The following HVCN1 variants were observed in gnomAD, a reference collection of about 807,000 sequenced individuals.
HVCN1 encodes the protein hydrogen voltage gated channel 1.
HVCN1 carries 14 observed loss-of-function variants against 29.2 expected under a neutral mutation model. The observed-to-expected ratio is 0.48, with a 90% CI of 0.32 to 0.75. The LOEUF (loss-of-function observed/expected upper bound fraction) is 0.75, where lower values mean the gene tolerates loss of function less well. Ranked by LOEUF, HVCN1 falls within the 30% of genes least tolerant of loss-of-function variation. HVCN1 has a pLI of 0.04. For missense variants in HVCN1, 263 were observed against 341.8 expected (o/e 0.77, Z 1.82); for synonymous variants, 131 against 133.2 (o/e 0.98, Z 0.11).
chr12:110,651,814 A>G (rs1327467362), intron 5 of HVCN1, among the ~76,000 whole-genome samples: 1 of 152,246 alleles, frequency 6.6e-6, no homozygotes, highest in Non-Finnish European at 1.5e-5. Flanking sequence ...AGAAATGTCC[A>G]TTAGAAGTTA....
At chr12:110,691,305 C>T (rs528704703), upstream of HVCN1, among the ~76,000 whole-genome samples, 598 of 152,080 alleles carry the variant, frequency 3.9e-3, 2 homozygotes, top group Non-Finnish European at 6.5e-3. Flanking sequence ...CCTCGTGCTC[C>T]GTCCTCCTCG....
chr12:110,701,716 G>A (rs2069565527), intron 2 of HVCN1, among the ~76,000 whole-genome samples: 1 of 151,864 alleles, frequency 6.6e-6, no homozygotes, highest in Admixed American at 6.6e-5. Context: ...AAGTAGCTGG[G>A]CATGGTGGTG....
At position 110,661,311 on chromosome 12, in the gene HVCN1, C is replaced by T; in HGVS notation, c.159G>A (p.Glu53=). ...CTGGTGTGGGTGGTGGCTGCTCCTCCTCCTCCTCCTCCTCTTCATTCTCCC... is the reference window on the plus strand; with the variant it reads ...CTGGTGTGGGTGGTGGCTGCTCCTCTTCCTCCTCCTCCTCTTCATTCTCCC... ...KKWENEEEEE[E]EEQPPPTPVS... Residue 53 remains glutamate (E), a synonymous_variant, in exon 4 of 8, where the codon GAG becomes GAA. Coordinates refer to ENST00000242607, the MANE Select transcript of HVCN1 (RefSeq NM_032369.4). This position sits in a 1 kb window ranked among gnomAD's most constrained non-coding sequence, Gnocchi z 6.2. 5.6e-6 allele frequency: 9 copies of T among 1,614,192 alleles called. No individual in the cohort carries two copies. Among genetic ancestry groups the T allele is most frequent in the Non-Finnish European group, 7.6e-6 (9 of 1,180,008 alleles).
At chr12:110,667,872 A>G (rs372270556) in intron 3 of HVCN1, among the ~76,000 whole-genome samples, 45 of 152,344 alleles carry the variant, frequency 3.0e-4, no homozygotes, top group African/African-American at 1.1e-3. Flanking sequence ...GAAACCTTGC[A>G]ACTGGTGAAG....
chr12:110,683,457 G>A (rs1593525670), intron 2 of HVCN1, among the ~76,000 whole-genome samples, 193 bp from the exon 3 acceptor site: 3 of 152,204 alleles, frequency 2.0e-5, no homozygotes, highest in South Asian at 4.1e-4. Flanking sequence ...ACTGAAACAG[G>A]GACTCAAACA....
At chr12:110,650,774 G>A (rs1215956949) in intron 6 of HVCN1, among the ~76,000 whole-genome samples, 1 of 150,062 alleles carries the variant, frequency 6.7e-6, no homozygotes, top group Non-Finnish European at 1.5e-5. Context: ...GCTTATTGCA[G>A]CCTCCAAATC....
chr12:110,688,775 C>A (rs926140218), intron 1 of HVCN1, 67 bp from the exon 2 acceptor site: 3 of 152,512 alleles, frequency 2.0e-5, no homozygotes, highest in East Asian at 1.9e-4. Flanking sequence ...CTGAAGGCAC[C>A]TGGCCCAGGG....
chr12:110,701,178 G>C (rs892239199), intron 2 of HVCN1, among the ~76,000 whole-genome samples: 5 of 152,196 alleles, frequency 3.3e-5, no homozygotes, highest in African/African-American at 7.2e-5. Context: ...TTCCCTCTGC[G>C]CTACGGCCAG....
chr12:110,651,328 C>T lies in HVCN1; in HGVS notation c.532G>A (p.Val178Met), dbSNP rs1478496147. ...ATGTCGAGGATGAATGAGACCACCACCACGACGGCATCCAGGATCTCAAAC... is the reference window on the plus strand; with the variant it reads ...ATGTCGAGGATGAATGAGACCACCATCACGACGGCATCCAGGATCTCAAAC... ...HKFEILDAVVVVVSFILDIVL... is the reference protein window; with the variant it reads ...HKFEILDAVVMVVSFILDIVL... Residue 178 changes from valine to methionine, a missense_variant, in exon 6 of 8, where the codon GTG (valine) becomes ATG (methionine). This residue lies in a region of HVCN1 where 55 missense variants were observed against 109.4 expected (regional missense o/e 0.50). Coordinates refer to ENST00000242607, the MANE Select transcript of HVCN1 (RefSeq NM_032369.4). 2 of 1,614,000 alleles carry T rather than the reference C, an allele frequency of 1.2e-6. No individual in the cohort carries two copies. Among genetic ancestry groups the T allele is most frequent in the Admixed American group, 1.7e-5 (1 of 60,010 alleles).
chr12:110,685,040 C>A (rs2069127944), intron 2 of HVCN1, among the ~76,000 whole-genome samples: 1 of 152,224 alleles, frequency 6.6e-6, no homozygotes, highest in Admixed American at 6.5e-5. Flanking sequence ...CAAAGATGCA[C>A]ATACCCTAAT....
intron 5 of HVCN1, among the ~76,000 whole-genome samples, chr12:110,654,802 A>C (rs2067933631): frequency 6.6e-6 from 1 of 151,962 alleles, no homozygotes; most frequent in Non-Finnish European, 1.5e-5. Flanking sequence ...AACTCTCTTG[A>C]TCTCCGCCCT....
chr12:110,699,213 G>C (rs2069536762), intron 2 of HVCN1, among the ~76,000 whole-genome samples: 1 of 152,174 alleles, frequency 6.6e-6, no homozygotes, highest in Non-Finnish European at 1.5e-5. Flanking sequence ...GGCTTTGCTG[G>C]GTCTTGGCTG....
intron 2 of HVCN1, among the ~76,000 whole-genome samples, chr12:110,687,262 C>CA (rs1414229098): frequency 6.7e-6 from 1 of 149,768 alleles, no homozygotes; most frequent in Non-Finnish European, 1.5e-5. Context: ...ACCACACCCC[C>CA]CCCCCCCAGC....
chr12:110,670,757 C>G (rs1267988782), intron 3 of HVCN1, among the ~76,000 whole-genome samples: 3 of 152,178 alleles, frequency 2.0e-5, no homozygotes, highest in Non-Finnish European at 4.4e-5. Context: ...GCACACCCCC[C>G]TAACAATTCC....
upstream of HVCN1, among the ~76,000 whole-genome samples, chr12:110,694,300 G>A (rs1593551347): frequency 6.6e-6 from 1 of 152,234 alleles, no homozygotes; most frequent in Non-Finnish European, 1.5e-5. The surrounding 1 kb of genome is among the most constrained non-coding windows in gnomAD (Gnocchi z 4.6). Flanking sequence ...AGGCTCAAGG[G>A]ATCCTCCCGC....
At chr12:110,682,677 A>G (rs1213851942) in intron 3 of HVCN1, 3 of 157,522 alleles carry the variant, frequency 1.9e-5, no homozygotes, top group African/African-American at 7.2e-5. Context: ...ACTATTTTCC[A>G]GATAAGGAAA....
upstream of HVCN1, among the ~76,000 whole-genome samples, chr12:110,692,518 A>C (rs1187803006): frequency 1.3e-5 from 2 of 151,954 alleles, no homozygotes; most frequent in Non-Finnish European, 2.9e-5. Context: ...CCAGGAGTTC[A>C]AGATGAGCCT....
chr12:110,665,348 A>G (rs1412648937), intron 3 of HVCN1, among the ~76,000 whole-genome samples: 4 of 152,164 alleles, frequency 2.6e-5, no homozygotes, highest in South Asian at 4.1e-4. Context: ...ACCTAAGGTC[A>G]GGAGTTTGAG....
intron 2 of HVCN1, among the ~76,000 whole-genome samples, chr12:110,701,487 A>G (rs1566073867): frequency 1.3e-5 from 2 of 152,166 alleles, no homozygotes; most frequent in South Asian, 2.1e-4. Context: ...AGGGCACCCA[A>G]TTTGAGAACC....
Sources: gnomAD v4.1 joint callset for allele counts (sites outside exome capture counted in the v4.1 genomes callset) on GRCh38, gnomAD v4.1.1 for gene constraint, gnomAD v4.1.1 regional missense constraint, Gnocchi (gnomAD v3.1) non-coding constraint, MANE v1.5 for transcripts, NCBI Gene and HGNC (gene_info 2026-07-23, HGNC 2026-07-21) for gene names.